TAFA1: variants seen among roughly 807,000 people sequenced by gnomAD.
The protein encoded by TAFA1 is chemokine-like protein TAFA-1.
Under a neutral mutation model 18.5 loss-of-function variants are expected in TAFA1, and 4 were observed. The ratio of observed to expected loss-of-function variants is 0.22; its 90% CI spans 0.11 to 0.49. The LOEUF is 0.49. Ranked by LOEUF, TAFA1 falls within the 20% of genes least tolerant of loss-of-function variation. The pLI, the probability that TAFA1 is intolerant of heterozygous loss-of-function variation, is 0.98. For missense variants in TAFA1, 147 were observed against 169.0 expected (o/e 0.87, Z 0.72); for synonymous variants, 56 against 55.2 (o/e 1.01, Z -0.06).
chr3:68,523,460 A>T lies in TAFA1; in HGVS notation c.260-15296A>T, dbSNP rs1443893767. 2.0e-5 allele frequency among the ~76,000 whole-genome samples: 3 copies of T among 152,200 alleles called. No homozygotes were observed. In the East Asian group the frequency reaches 5.8e-4, roughly 29 times the overall value. On this transcript the variant is annotated intron_variant, in intron 3 of 4. Coordinates refer to ENST00000478136, the MANE Select transcript of TAFA1 (RefSeq NM_213609.4). ...TTTGTAATTTCTTAGGATCAATTTG[A>T]CTGGAGAACAGGACATCTCCTTTAA...
chr3:68,417,160 C>A, intron 2 of TAFA1, 120 bp from the exon 3 acceptor site: 1 of 740,652 alleles, frequency 1.4e-6, no homozygotes, highest in East Asian at 2.7e-5. Context: ...AATTGTATTT[C>A]ATGGAAACTG....
chr3:68,379,736 G>A (rs1025238830), intron 2 of TAFA1, among the ~76,000 whole-genome samples: 4 of 135,702 alleles, frequency 2.9e-5, no homozygotes, highest in African/African-American at 1.0e-4. Context: ...TTTTTTTTTT[G>A]AGTCTGTCTC....
intron 2 of TAFA1, among the ~76,000 whole-genome samples, chr3:68,169,282 C>G (rs2066022983): frequency 6.6e-6 from 1 of 152,100 alleles, no homozygotes; most frequent in Non-Finnish European, 1.5e-5. Flanking sequence ...TGATGACATT[C>G]AACCCTTTGA....
chr3:68,244,640 C>T (rs2067042656), intron 2 of TAFA1, among the ~76,000 whole-genome samples: 4 of 152,132 alleles, frequency 2.6e-5, no homozygotes, highest in South Asian at 4.1e-4. Flanking sequence ...TCTCCTAAAG[C>T]GTTGGTATTA....
At chr3:68,484,541 T>C (rs1559688672) in intron 3 of TAFA1, among the ~76,000 whole-genome samples, 1 of 152,140 alleles carries the variant, frequency 6.6e-6, no homozygotes, top group Non-Finnish European at 1.5e-5. Flanking sequence ...CATGAGCAAC[T>C]AGGTTGTTGG....
chr3:68,482,762 G>A (rs2072262027), intron 3 of TAFA1, among the ~76,000 whole-genome samples: 1 of 152,182 alleles, frequency 6.6e-6, no homozygotes, highest in Non-Finnish European at 1.5e-5. Context: ...CCAGGGTGAT[G>A]GATTCAGGCC....
chr3:68,504,770 CAGTAAA>C (rs1334572029), intron 3 of TAFA1, among the ~76,000 whole-genome samples: 30 of 152,168 alleles, frequency 2.0e-4, no homozygotes, highest in Middle Eastern at 3.4e-3. Flanking sequence ...TATCAATGTT[CAGTAAA>C]AGTAAAAGTC....
chr3:68,259,660 G>A (rs554513206), intron 2 of TAFA1, among the ~76,000 whole-genome samples: 76 of 152,232 alleles, frequency 5.0e-4, no homozygotes, highest in African/African-American at 1.6e-3. Context: ...CACATCCCTT[G>A]TAAGTTGGAT....
intron 3 of TAFA1, among the ~76,000 whole-genome samples, chr3:68,458,935 G>A (rs1001171103): frequency 1.3e-5 from 2 of 152,066 alleles, no homozygotes; most frequent in Non-Finnish European, 2.9e-5. Context: ...ATTGAGTAAC[G>A]ACTTCAGGAT....
At chr3:68,058,993 A>G (rs1277323296) in intron 2 of TAFA1, among the ~76,000 whole-genome samples, 5 of 152,174 alleles carry the variant, frequency 3.3e-5, no homozygotes, top group African/African-American at 7.2e-5. Context: ...TATATATAAA[A>G]TTCCCACATG....
At position 68,149,681 on chromosome 3, in the gene TAFA1, C is replaced by A. The variant is rs567977370; in HGVS notation, c.118+142937C>A. Among the ~76,000 whole-genome samples, 37 of 152,332 alleles carry A rather than the reference C, an allele frequency of 2.4e-4. 1 individual carries two copies. Among genetic ancestry groups the A allele is most frequent in the South Asian group, 2.1e-3 (10 of 4,822 alleles). On this transcript the variant is annotated intron_variant, in intron 2 of 4. Transcript: ENST00000478136. ...CCAGGAGGGATTTGTCCCCATGACC[C>A]AAACACCTCGGATTAGACTCCACCT...
At chr3:68,086,267 G>A (rs1274520664) in intron 2 of TAFA1, among the ~76,000 whole-genome samples, 1 of 152,188 alleles carries the variant, frequency 6.6e-6, no homozygotes, top group African/African-American at 2.4e-5. Flanking sequence ...TGGTCATTGA[G>A]CTTATCCAGG....
intron 2 of TAFA1, among the ~76,000 whole-genome samples, chr3:68,282,649 C>T (rs1294443377): frequency 6.6e-6 from 1 of 152,120 alleles, no homozygotes; most frequent in Admixed American, 6.5e-5. Flanking sequence ...AGAACATCGT[C>T]TGAGTATCAT....
chr3:68,370,506 A>ATATATATATACGTATATATG (rs1553682578), intron 2 of TAFA1, among the ~76,000 whole-genome samples: 1 of 75,076 alleles, frequency 1.3e-5, no homozygotes, highest in Non-Finnish European at 2.5e-5. Flanking sequence ...ATATATATAT[A>ATATATATATACGTATATATG]TATATATATA....
At chr3:68,049,784 G>C (rs888244969) in intron 2 of TAFA1, among the ~76,000 whole-genome samples, 1 of 152,046 alleles carries the variant, frequency 6.6e-6, no homozygotes, top group Non-Finnish European at 1.5e-5. Flanking sequence ...AGGTGGTGAG[G>C]GGAAGGAGCA....
rs1300290707 is a variant in TAFA1 at position 68,406,851 on chromosome 3, A to G, written c.119-10429A>G. ...ATATGTAAAGAGCAGTAAGGAATCA[A>G]GTGTGTTCTTGTAACCTCATTGGTG... On this transcript the variant is annotated intron_variant, in intron 2 of 4. Transcript: ENST00000478136. 2.0e-5 allele frequency among the ~76,000 whole-genome samples: 3 copies of G among 152,198 alleles called. No individual in the cohort carries two copies. In the South Asian group the frequency reaches 6.2e-4, roughly 31 times the overall value.
chr3:68,149,606 A>G, intron 2 of TAFA1, among the ~76,000 whole-genome samples: 1 of 152,202 alleles, frequency 6.6e-6, no homozygotes, highest in East Asian at 1.9e-4. Flanking sequence ...TGTTGTGGGA[A>G]TGAATAGAGC....
intron 3 of TAFA1, among the ~76,000 whole-genome samples, chr3:68,520,679 G>C (rs2073006735): frequency 6.6e-6 from 1 of 152,200 alleles, no homozygotes; most frequent in Admixed American, 6.5e-5. Context: ...ATCTATGCCT[G>C]TTCTGTAACT....
At chr3:68,333,376 A>G (rs1337892034) in intron 2 of TAFA1, among the ~76,000 whole-genome samples, 1 of 152,214 alleles carries the variant, frequency 6.6e-6, no homozygotes, top group Non-Finnish European at 1.5e-5. Flanking sequence ...TAAGCAAACT[A>G]ACACAGAAAC....
Sources: allele counts gnomAD v4.1 joint callset (sites outside exome capture counted in the v4.1 genomes callset), GRCh38; gene constraint gnomAD v4.1.1; transcripts MANE v1.5; gene names NCBI Gene and HGNC (gene_info 2026-07-23, HGNC 2026-07-21).